Variants in ARL10 observed in about 807,000 individuals in gnomAD.
The protein encoded by ARL10 is ADP-ribosylation factor-like protein 10.
In ARL10, 23 loss-of-function variants were observed where a neutral mutation model predicts 26.1. The observed-to-expected ratio is 0.88, with a 90% CI of 0.63 to 1.25. The LOEUF is 1.25. ARL10 is among the 50% of genes most tolerant of loss of function. The pLI, the probability that ARL10 is intolerant of heterozygous loss-of-function variation, is 0.00. For synonymous variants in ARL10, 138 were observed against 149.1 expected, an observed-to-expected ratio of 0.93 and a Z score of 0.54; for missense variants, 300 against 323.6, an observed-to-expected ratio of 0.93 and a Z score of 0.56.
downstream of ARL10, among the ~76,000 whole-genome samples, chr5:176,402,080 A>AT (rs1199567085): frequency 6.6e-6 from 1 of 152,218 alleles, no homozygotes; most frequent in African/African-American, 2.4e-5. Flanking sequence ...AGGCAGGCAG[A>AT]TTGCCTGAGC....
chr5:176,366,698 C>G lies in ARL10; in HGVS notation c.385+117C>G, dbSNP rs1768321387. The G allele has an allele frequency of 5.7e-6, 7 of 1,232,148 alleles. No homozygotes were observed. The Admixed American group carries it at 1.3e-4, about 23-fold the overall frequency. The allele number at this position is 1,232,148 out of a possible 1,614,324, so 76.3% of individuals were successfully genotyped here. On this transcript the variant is annotated intron_variant, in intron 2 of 3. Coordinates refer to ENST00000310389, the MANE Select transcript of ARL10 (RefSeq NM_173664.6). ...AAGCAGCACATTCCCCTCTACGAATCCTTCCCACCGCTCTCCGGGGCACAG... is the reference window on the plus strand; with the variant it reads ...AAGCAGCACATTCCCCTCTACGAATGCTTCCCACCGCTCTCCGGGGCACAG...
At chr5:176,404,101 A>C (rs1756977810), downstream of ARL10, among the ~76,000 whole-genome samples, 1 of 152,220 alleles carries the variant, frequency 6.6e-6, no homozygotes, top group Admixed American at 6.5e-5. Flanking sequence ...CTATCTCCAA[A>C]GAGCCAAGGT....
downstream of ARL10, chr5:176,392,992 C>A (rs180999566): frequency 4.8e-3 from 7,702 of 1,608,966 alleles, 21 homozygotes; most frequent in Non-Finnish European, 6.0e-3. The surrounding 1 kb of genome is among the most constrained non-coding windows in gnomAD (Gnocchi z 5.2). Flanking sequence ...TGCTTTCCCC[C>A]AGCCTTGCCC....
chr5:176,366,799 A>G lies in ARL10; in HGVS notation c.385+218A>G, dbSNP rs557327377. On this transcript the variant is annotated intron_variant, in intron 2 of 3. Coordinates refer to ENST00000310389, the MANE Select transcript of ARL10 (RefSeq NM_173664.6). The stretch of plus-strand genomic sequence containing the variant: ...CCTCTCCAGCTGCACCGCCTGCCCC[A>G]TCACCCCTACCAAAGTCGATAGGCC... Among the ~76,000 whole-genome samples the G allele has an allele frequency of 5.3e-5, 8 of 152,212 alleles. No individual in the cohort carries two copies. The East Asian group carries it at 1.5e-3, about 29-fold the overall frequency.
downstream of ARL10, chr5:176,392,492 TA>T: frequency 2.5e-6 from 1 of 401,840 alleles, no homozygotes; most frequent in Non-Finnish European, 4.5e-6. The surrounding 1 kb of genome is among the most constrained non-coding windows in gnomAD (Gnocchi z 5.2). Flanking sequence ...TAAATAAGTG[TA>T]AAAAGAGTCA....
chr5:176,377,048 G>T lies in ARL10; in HGVS notation c.*5153G>T, dbSNP rs1449130173. ...TTTAGTGGCATCAGCATTTAGGAGA[G>T]TAGGAACTACGTGAAGTTCTGTTAG... On this transcript the variant is annotated 3_prime_UTR_variant, in exon 4 of 4. Transcript: ENST00000310389. This position sits in a 1 kb window ranked among gnomAD's most constrained non-coding sequence, Gnocchi z 4.5. The T allele has an allele frequency of 6.6e-6, 1 of 152,198 alleles. No individual in the cohort carries two copies. Among genetic ancestry groups the T allele is most frequent in the East Asian group, 1.9e-4 (1 of 5,200 alleles). The allele number at this position is 152,198 out of a possible 1,614,324, so 9.4% of individuals were successfully genotyped here.
intron 1 of ARL10, chr5:176,397,491 T>G: frequency 1.4e-5 from 2 of 139,424 alleles, no homozygotes; most frequent in Non-Finnish European, 2.3e-5. Flanking sequence ...CACAGCTCCC[T>G]CATGTCCCCA....
chr5:176,381,885 G>C lies in ARL10; in HGVS notation c.*9990G>C, dbSNP rs144194494. 1 of 152,224 alleles carries C rather than the reference G, an allele frequency of 6.6e-6. No individual in the cohort carries two copies. The highest frequency in any genetic ancestry group is 2.1e-4 in the South Asian group (1 of 4,826). The allele number at this position is 152,224 out of a possible 1,614,324, so 9.4% of individuals were successfully genotyped here. ...GTCCCCAGTTGTGGGAGGTGAACTT[G>C]AAGAATAAAGTTTCATTATGTTTAC... On this transcript the variant is annotated 3_prime_UTR_variant, in exon 4 of 4. Coordinates refer to ENST00000310389, the MANE Select transcript of ARL10 (RefSeq NM_173664.6).
Position 176,372,108 on chromosome 5 carries a change from G to A in ARL10, c.*213G>A, listed in dbSNP as rs974376452. The A allele has an allele frequency of 7.1e-7, 1 of 1,411,744 alleles. No individual in the cohort carries two copies. The allele number at this position is 1,411,744 out of a possible 1,614,324, so 87.5% of individuals were successfully genotyped here. On this transcript the variant is annotated 3_prime_UTR_variant, in exon 4 of 4. Transcript: ENST00000310389. ...GAAGCCGAAGCAGGGAGGTGGGTGA[G>A]ACAGAGGGTGGGGAGGATAGTGTCT... is the stretch of plus-strand genomic sequence containing the variant.
downstream of ARL10, among the ~76,000 whole-genome samples, chr5:176,382,893 G>A (rs76149268): frequency 2.9e-3 from 444 of 152,328 alleles, 3 homozygotes; most frequent in African/African-American, 0.01. Flanking sequence ...TTGGAATCCT[G>A]TGGAGGACAT....
chr5:176,403,938 T>C (rs190730107), downstream of ARL10, among the ~76,000 whole-genome samples: 19 of 151,796 alleles, frequency 1.3e-4, no homozygotes, highest in East Asian at 1.6e-3. Flanking sequence ...TGTTTTATTT[T>C]TAGTAGAGAC....
At position 176,368,253 on chromosome 5, in the gene ARL10, CTGAA is replaced by C. The variant is rs768197660; in HGVS notation, c.386-551_386-548del. On this transcript the variant is annotated intron_variant, in intron 2 of 3. Transcript: ENST00000310389. This position sits in a 1 kb window ranked among gnomAD's most constrained non-coding sequence, Gnocchi z 4.1. ...AGGGAAAAGAAGGGGATGGGGGAAA[CTGAA>C]TGGAGAATGGCTGTGTATAGGCAGG... Among the ~76,000 whole-genome samples, 13 of 152,090 alleles carry C rather than the reference CTGAA, an allele frequency of 8.5e-5. No homozygotes were observed. The highest frequency in any genetic ancestry group is 1.6e-4 in the Non-Finnish European group (11 of 68,028).
chr5:176,396,328 G>T, intron 1 of ARL10: 6 of 728,954 alleles, frequency 8.2e-6, no homozygotes, highest in Admixed American at 2.0e-5. Flanking sequence ...GGTGGTTGCT[G>T]CCTGCACCCA....
intron 1 of ARL10, among the ~76,000 whole-genome samples, chr5:176,394,675 C>T (rs1447486795): frequency 2.6e-5 from 4 of 152,046 alleles, no homozygotes; most frequent in South Asian, 2.1e-4. Flanking sequence ...ATTAGCCGGG[C>T]ATGGTGGCGG....
downstream of ARL10, chr5:176,389,552 A>G: frequency 6.5e-7 from 1 of 1,549,832 alleles, no homozygotes; most frequent in Admixed American, 1.8e-5. Context: ...CCCAGGGAGC[A>G]ACCACTGGCC....
downstream of ARL10, chr5:176,392,740 G>A (rs1330281402): frequency 6.2e-7 from 1 of 1,610,574 alleles, no homozygotes; most frequent in Admixed American, 1.7e-5. This position sits in a 1 kb window ranked among gnomAD's most constrained non-coding sequence, Gnocchi z 5.2. Flanking sequence ...CCCAGGCCCA[G>A]CCCATGCTCT....
chr5:176,412,043 G>A, the ARL10 span, among the ~76,000 whole-genome samples: 1 of 152,016 alleles, frequency 6.6e-6, no homozygotes, highest in Admixed American at 6.6e-5. Flanking sequence ...AGGCGTGGTG[G>A]CAGGCGCCTG....
Position 176,373,208 on chromosome 5 carries a change from G to A in ARL10, c.*1313G>A. On this transcript the variant is annotated 3_prime_UTR_variant, in exon 4 of 4. Coordinates refer to ENST00000310389, the MANE Select transcript of ARL10 (RefSeq NM_173664.6). ...AGACCAGCCAACGGGATGGCCTTGG[G>A]TACATCACTCAGCCTTTCTGGACCC... 2.5e-6 allele frequency: 1 copy of A among 395,826 alleles called. No individual in the cohort carries two copies. Among genetic ancestry groups the A allele is most frequent in the Non-Finnish European group, 4.4e-6 (1 of 224,844 alleles). 24.5% of individuals were successfully genotyped at this position (395,826 alleles called of 1,614,324 possible).
rs968329910 is a variant in ARL10 at position 176,381,688 on chromosome 5, T to C, written c.*9793T>C. On this transcript the variant is annotated 3_prime_UTR_variant, in exon 4 of 4. Coordinates refer to ENST00000310389, the MANE Select transcript of ARL10 (RefSeq NM_173664.6). ...TAGACTCTTACATCAGGTTGCAGGGTGTTTACACATTAAGTTAGGTTATAA... is the reference window on the plus strand; with the variant it reads ...TAGACTCTTACATCAGGTTGCAGGGCGTTTACACATTAAGTTAGGTTATAA... The C allele has an allele frequency of 6.6e-6, 1 of 152,186 alleles. No homozygotes were observed. The highest frequency in any genetic ancestry group is 2.4e-5 in the African/African-American group (1 of 41,444). The allele number at this position is 152,186 out of a possible 1,614,324, so 9.4% of individuals were successfully genotyped here.
Sources: allele counts gnomAD v4.1 joint callset (sites outside exome capture counted in the v4.1 genomes callset), GRCh38; gene constraint gnomAD v4.1.1; non-coding constraint Gnocchi (gnomAD v3.1); transcripts MANE v1.5; gene names NCBI Gene and HGNC (gene_info 2026-07-23, HGNC 2026-07-21).